The following RERE variants were observed in gnomAD, a reference collection of about 807,000 sequenced individuals.
RERE encodes the protein arginine-glutamic acid dipeptide repeats.
Under a neutral mutation model 146.1 loss-of-function variants are expected in RERE, and 40 were observed. That is an observed-to-expected ratio of 0.27 (90% CI 0.21 to 0.36). RERE has a LOEUF of 0.36. RERE is among the 10% of genes least tolerant of loss of function. The pLI, the probability that RERE is intolerant of heterozygous loss-of-function variation, is 1.00. For synonymous variants in RERE, 1,003 were observed against 866.0 expected (o/e 1.16, Z -2.78); for missense variants, 1,933 against 2,138.7 (o/e 0.90, Z 1.90).
intron 2 of RERE, among the ~76,000 whole-genome samples, chr1:8,635,972 C>T (rs56401015): frequency 0.024 from 3,480 of 143,872 alleles, 45 homozygotes; most frequent in African/African-American, 0.045. Flanking sequence ...CTTATCTTAT[C>T]TTATCTTATT....
chr1:8,516,806 A>G (rs983021598), intron 7 of RERE, among the ~76,000 whole-genome samples: 7 of 152,226 alleles, frequency 4.6e-5, no homozygotes, highest in Admixed American at 3.3e-4. Context: ...AAAATGATCA[A>G]AAGAATTTTT....
chr1:8,782,591 T>C (rs1641185152), intron 1 of RERE, among the ~76,000 whole-genome samples: 1 of 152,140 alleles, frequency 6.6e-6, no homozygotes, highest in Non-Finnish European at 1.5e-5. Context: ...CTAATACTAC[T>C]TTAACCTTGG....
chr1:8,532,124 G>A (rs187301880), intron 7 of RERE, among the ~76,000 whole-genome samples: 2 of 152,190 alleles, frequency 1.3e-5, no homozygotes, highest in Admixed American at 1.3e-4. Flanking sequence ...TGTCGAAGAG[G>A]CAACATATGC....
intron 10 of RERE, among the ~76,000 whole-genome samples, chr1:8,494,636 C>T (rs55858268): frequency 0.16 from 24,934 of 152,090 alleles, 2,367 homozygotes; most frequent in Middle Eastern, 0.29. Context: ...GGTAGGAGAA[C>T]GGTGTGAAGC....
At chr1:8,753,548 A>C (rs1284344143) in intron 1 of RERE, 3 of 152,194 alleles carry the variant, frequency 2.0e-5, no homozygotes, top group Non-Finnish European at 2.9e-5. Flanking sequence ...AAGACACTCC[A>C]AATTTAAATT....
intron 11 of RERE, among the ~76,000 whole-genome samples, chr1:8,447,975 T>C (rs1222978739): frequency 6.6e-6 from 1 of 152,208 alleles, no homozygotes; most frequent in Non-Finnish European, 1.5e-5. Flanking sequence ...TCTGAACAAA[T>C]TCCCTTACTA....
intron 6 of RERE, among the ~76,000 whole-genome samples, chr1:8,549,149 C>T (rs113950109): frequency 6.6e-6 from 1 of 152,284 alleles, no homozygotes; most frequent in African/African-American, 2.4e-5. Flanking sequence ...TAGTAACACA[C>T]ATGCCTAATA....
At chr1:8,565,289 C>A (rs1293086957) in intron 4 of RERE, among the ~76,000 whole-genome samples, 2 of 152,132 alleles carry the variant, frequency 1.3e-5, no homozygotes, top group South Asian at 2.1e-4. Context: ...AATCATACAT[C>A]ATTTTGTACT....
chr1:8,360,799 G>A lies in RERE; in HGVS notation c.2708C>T (p.Ser903Phe), dbSNP rs1280941651. The part of the protein sequence containing the change: ...YPHTSLQLPA[S>F]QSALQSQQPP... ...CTGTTGGGACTGCAGCGCTGACTGA[G>A]AGGCTGGCAGCTGCAGGGAGGTGTG... The change falls in exon 18 of 23, where the codon TCT (serine) becomes TTT (phenylalanine). Residue 903 changes from serine to phenylalanine, a missense_variant. Ser to Phe is a radical substitution (Grantham distance 155). Around this residue, in one of 11 missense-constraint regions of RERE, gnomAD observed 1,255 missense variants for 1,153.8 expected, o/e 1.09. Coordinates refer to ENST00000400908, the MANE Select transcript of RERE (RefSeq NM_001042681.2). The A allele has an allele frequency of 1.3e-6, 2 of 1,580,310 alleles. No homozygotes were observed. Among genetic ancestry groups the A allele is most frequent in the Admixed American group, 3.6e-5 (2 of 56,272 alleles).
At chr1:8,371,571 G>A (rs764009051) in intron 12 of RERE, among the ~76,000 whole-genome samples, 3 of 152,284 alleles carry the variant, frequency 2.0e-5, no homozygotes, top group Non-Finnish European at 2.9e-5. Flanking sequence ...AGCGGCAGCC[G>A]CTCCTGCCAT....
chr1:8,500,569 C>T (rs1435134051), intron 8 of RERE, among the ~76,000 whole-genome samples: 1 of 152,164 alleles, frequency 6.6e-6, no homozygotes, highest in Non-Finnish European at 1.5e-5. Context: ...ACAACCTCCA[C>T]CTCCCAGCCG....
intron 7 of RERE, chr1:8,511,779 CTTT>C (rs775118842): frequency 3.5e-5 from 5 of 141,248 alleles, no homozygotes; most frequent in Non-Finnish European, 4.7e-5. Context: ...TTTTCTTTTT[CTTT>C]TTTTTTTTTT....
At chr1:8,548,065 T>C (rs564318974) in intron 6 of RERE, among the ~76,000 whole-genome samples, 42 of 152,304 alleles carry the variant, frequency 2.8e-4, no homozygotes, top group African/African-American at 9.4e-4. Context: ...TCCCACAATA[T>C]ACTGTCATCA....
At chr1:8,518,431 C>A (rs1645449136) in intron 7 of RERE, among the ~76,000 whole-genome samples, 1 of 152,194 alleles carries the variant, frequency 6.6e-6, no homozygotes, top group East Asian at 1.9e-4. Flanking sequence ...AAATATCACA[C>A]AGCAGACATT....
intron 4 of RERE, among the ~76,000 whole-genome samples, chr1:8,612,451 C>T (rs1646803804): frequency 6.6e-6 from 1 of 152,180 alleles, no homozygotes; most frequent in African/African-American, 2.4e-5. Flanking sequence ...AAGATTTATC[C>T]TTTCACTACA....
At position 8,483,864 on chromosome 1, in the gene RERE, G is replaced by A. The variant is rs191769835; in HGVS notation, c.1104+11199C>T. On this transcript the variant is annotated intron_variant, in intron 10 of 22. Transcript: ENST00000400908. ...TAATCCAAACGTCTAAAAGCCACCCGTATCTCAGGGAATAAAACTGTCCAG... is the reference window on the plus strand; with the variant it reads ...TAATCCAAACGTCTAAAAGCCACCCATATCTCAGGGAATAAAACTGTCCAG... 2.6e-5 allele frequency among the ~76,000 whole-genome samples: 4 copies of A among 152,284 alleles called. 1 individual carries two copies. The East Asian group carries it at 5.8e-4, about 22-fold the overall frequency.
Position 8,361,209 on chromosome 1 carries a change from G to A in RERE, c.2298C>T (p.Pro766=), listed in dbSNP as rs772793346. 1 of 1,510,818 alleles carries A rather than the reference G, an allele frequency of 6.6e-7. No individual in the cohort carries two copies. The highest frequency in any genetic ancestry group is 1.3e-5 in the South Asian group (1 of 76,176). 93.6% of individuals were successfully genotyped at this position (1,510,818 alleles called of 1,614,324 possible). A position where few individuals can be genotyped will look rare whatever the true frequency, so the allele number is the denominator to read the frequency against. The change falls in exon 18 of 23, where the codon CCC becomes CCT. Residue 766 remains proline, a synonymous_variant. Transcript: ENST00000400908. ...GGGGAACTGCAGTGGCAGAGGGCGTGGGCCCTGGCGTGGGCAGCTGAGGGG... is the reference window on the plus strand; with the variant it reads ...GGGGAACTGCAGTGGCAGAGGGCGTAGGCCCTGGCGTGGGCAGCTGAGGGG... The part of the protein sequence containing the change: ...PGTPQLPTPG[P]TPSATAVPPQ...
At chr1:8,458,679 TA>T (rs1360961056) in intron 11 of RERE, among the ~76,000 whole-genome samples, 3 of 152,046 alleles carry the variant, frequency 2.0e-5, no homozygotes, top group Non-Finnish European at 4.4e-5. Context: ...ATGATGGACT[TA>T]AAAAAAGTAC....
intron 1 of RERE, among the ~76,000 whole-genome samples, chr1:8,793,157 C>CAAAA (rs1015889392): frequency 6.1e-4 from 30 of 48,960 alleles, no homozygotes; most frequent in Non-Finnish European, 7.4e-4. Context: ...ACTCCATCTC[C>CAAAA]AAAAAAAAAA....
Sources: gnomAD v4.1 joint callset for allele counts (sites outside exome capture counted in the v4.1 genomes callset) on GRCh38, gnomAD v4.1.1 for gene constraint, gnomAD v4.1.1 regional missense constraint, MANE v1.5 for transcripts, NCBI Gene and HGNC (gene_info 2026-07-23, HGNC 2026-07-21) for gene names.